NWD1: variants seen among roughly 807,000 people sequenced by gnomAD.
NWD1 encodes the protein NACHT and WD repeat domain containing 1.
Under a neutral mutation model 135.1 loss-of-function variants are expected in NWD1, and 129 were observed. The ratio of observed to expected loss-of-function variants is 0.96; its 90% CI spans 0.83 to 1.11. NWD1 has a LOEUF of 1.11. Among genes scored for constraint, NWD1 ranks in the 50% least tolerant of loss-of-function variants. The pLI, the probability that NWD1 is intolerant of heterozygous loss-of-function variation, is 0.00. For missense variants in NWD1, 1,740 were observed against 1,851.3 expected (o/e 0.94, Z 1.10); for synonymous variants, 773 against 786.0 (o/e 0.98, Z 0.28).
At chr19:16,756,738 C>G (rs190876916) in intron 6 of NWD1, among the ~76,000 whole-genome samples, 1 of 152,084 alleles carries the variant, frequency 6.6e-6, no homozygotes, top group Non-Finnish European at 1.5e-5. Flanking sequence ...GGTACTGCTC[C>G]GTGGCCTGTT....
chr19:16,748,015 G>A (rs143480800), intron 5 of NWD1, among the ~76,000 whole-genome samples: 118 of 152,162 alleles, frequency 7.8e-4, no homozygotes, highest in African/African-American at 2.8e-3. Flanking sequence ...ATGGAGTCTC[G>A]CTCTGTTGCA....
intron 4 of NWD1, among the ~76,000 whole-genome samples, chr19:16,737,278 TTTTTTGAGACAGA>T (rs1967861536): frequency 6.6e-6 from 1 of 152,128 alleles, no homozygotes; most frequent in African/African-American, 2.4e-5. Context: ...TTTCTTTTTC[TTTTTTGAGACAGA>T]GTCTCAAAAA....
chr19:16,731,067 G>A, intron 2 of NWD1, 125 bp from the exon 3 acceptor site: 1 of 572,836 alleles, frequency 1.7e-6, no homozygotes, highest in East Asian at 3.0e-5. Context: ...AACATAGCGA[G>A]ATCCCATTCT....
intron 10 of NWD1, among the ~76,000 whole-genome samples, chr19:16,771,121 G>A (rs1310750943): frequency 6.6e-6 from 1 of 152,092 alleles, no homozygotes; most frequent in African/African-American, 2.4e-5. Context: ...GCAACATAGC[G>A]AGACCCTATC....
chr19:16,771,293 T>C (rs1156390592), intron 10 of NWD1, among the ~76,000 whole-genome samples: 1 of 151,928 alleles, frequency 6.6e-6, no homozygotes, highest in Non-Finnish European at 1.5e-5. Context: ...CTACTAAAAA[T>C]ACAAAAATTA....
intron 11 of NWD1, among the ~76,000 whole-genome samples, chr19:16,773,940 A>G (rs1264090632): frequency 2.8e-5 from 1 of 35,814 alleles, no homozygotes; most frequent in Non-Finnish European, 4.7e-5. Context: ...CCATCCATCT[A>G]TCCATCCATC....
At chr19:16,799,146 TC>T (rs1043031632) in intron 16 of NWD1, among the ~76,000 whole-genome samples, 12 of 152,222 alleles carry the variant, frequency 7.9e-5, no homozygotes, top group African/African-American at 2.9e-4. Flanking sequence ...GCCTGAAAAT[TC>T]ACCTTAGGTT....
At chr19:16,731,991 C>A (rs1967588913) in intron 3 of NWD1, among the ~76,000 whole-genome samples, 1 of 151,720 alleles carries the variant, frequency 6.6e-6, no homozygotes, top group Admixed American at 6.6e-5. Flanking sequence ...CAAAGGCGGG[C>A]AGATCGCTTG....
chr19:16,756,551 C>G (rs113955334), intron 6 of NWD1, among the ~76,000 whole-genome samples: 42 of 152,158 alleles, frequency 2.8e-4, no homozygotes, highest in Non-Finnish European at 5.9e-4. Context: ...TTATGTTTAT[C>G]TATCTCTGTA....
intron 11 of NWD1, 127 bp downstream of exon 11, chr19:16,773,450 C>G: frequency 1.4e-6 from 1 of 712,026 alleles, no homozygotes; most frequent in South Asian, 1.8e-5. Flanking sequence ...AGCTTGCCAT[C>G]AGAGCCTGCC....
In NWD1 at chr19:16,746,835, A is replaced by G. The variant is rs181438461; in HGVS notation, c.496+2117A>G. On this transcript the variant is annotated intron_variant, in intron 5 of 18. Coordinates refer to ENST00000524140, the MANE Select transcript of NWD1 (RefSeq NM_001007525.5). ...AAAATATGTTTGCTGTTGATTAAAC[A>G]TAAGTGGATCATCAGTCACAAAGGT... Among the ~76,000 whole-genome samples, 7 of 152,246 alleles carry G rather than the reference A, an allele frequency of 4.6e-5. No homozygotes were observed. The East Asian group carries it at 1.3e-3, about 29-fold the overall frequency.
At position 16,791,308 on chromosome 19, in the gene NWD1, G is replaced by A. The variant is rs370344246; in HGVS notation, c.2941-42G>A. On this transcript the variant is annotated intron_variant, in intron 13 of 18. Coordinates refer to ENST00000524140, the MANE Select transcript of NWD1 (RefSeq NM_001007525.5). ...TGACTCCGGGAAACTTGTAGTCTAG[G>A]TCTCCTGCCAAGATGCTGCTTCCTC... 1.3e-4 allele frequency: 214 copies of A among 1,588,360 alleles called. No homozygotes were observed. The African/African-American group carries it at 2.7e-3, about 20-fold the overall frequency.
At chr19:16,723,675 T>G (rs1218260903) in intron 1 of NWD1, among the ~76,000 whole-genome samples, 1 of 139,820 alleles carries the variant, frequency 7.2e-6, no homozygotes, top group Non-Finnish European at 1.5e-5. Context: ...TACAGCTTTT[T>G]CTGTTTTGTT....
chr19:16,724,455 G>A lies in NWD1; in HGVS notation c.-15G>A, dbSNP rs903539123. On this transcript the variant is annotated 5_prime_UTR_variant, in exon 2 of 19. Transcript: ENST00000524140. ...AGCCGGCATTCCAACCAGGCTCACG[G>A]ATGCCAAGGTATACGCGTGTTCTCT... 1 of 152,176 alleles carries A rather than the reference G, an allele frequency of 6.6e-6. No individual in the cohort carries two copies. Among genetic ancestry groups the A allele is most frequent in the Non-Finnish European group, 1.5e-5 (1 of 68,046 alleles). 9.4% of individuals were successfully genotyped at this position (152,176 alleles called of 1,614,324 possible).
Position 16,779,445 on chromosome 19 carries a change from A to C in NWD1, c.2711A>C (p.His904Pro). 1 of 1,613,542 alleles carries C rather than the reference A, an allele frequency of 6.2e-7. No homozygotes were observed. Among genetic ancestry groups the C allele is most frequent in the Non-Finnish European group, 8.5e-7 (1 of 1,179,994 alleles). ...GACATGGAAGAGCAGCATGTGATCC[A>C]CATGCTAACTGGACACACAGGTGAG... Reference protein sequence around the residue: ...VWDMEEQHVIHMLTGHTGEVR... With the variant: ...VWDMEEQHVIPMLTGHTGEVR... The change falls in exon 12 of 19, where the codon CAC (histidine) becomes CCC (proline). Residue 904 changes from histidine to proline, a missense_variant. Coordinates refer to ENST00000524140, the MANE Select transcript of NWD1 (RefSeq NM_001007525.5).
At chr19:16,752,015 A>G (rs912645614) in intron 6 of NWD1, among the ~76,000 whole-genome samples, 1 of 152,086 alleles carries the variant, frequency 6.6e-6, no homozygotes, top group African/African-American at 2.4e-5. Context: ...GCAAAAGCAA[A>G]AATAACAAGC....
At chr19:16,813,162 G>A (rs1029294957) in intron 18 of NWD1, among the ~76,000 whole-genome samples, 2 of 152,114 alleles carry the variant, frequency 1.3e-5, no homozygotes, top group African/African-American at 4.8e-5. Context: ...CCATGGGGTG[G>A]TATGGATGGA....
In NWD1 at chr19:16,750,258, C is replaced by T. The variant is rs373274342; in HGVS notation, c.1616C>T (p.Ala539Val). 35 of 1,613,600 alleles carry T rather than the reference C, an allele frequency of 2.2e-5. No homozygotes were observed. The Middle Eastern group carries it at 9.9e-4, about 46-fold the overall frequency. The change falls in exon 6 of 19, where the codon GCG (alanine) becomes GTG (valine). Residue 539 changes from alanine (A) to valine (V), a missense_variant. Coordinates refer to ENST00000524140, the MANE Select transcript of NWD1 (RefSeq NM_001007525.5). ...GGGAACCCAGGGCGGCTGAGGCTGGCGTTTGAGGAAGCCCGGAAATGGGCC... is the reference window on the plus strand; with the variant it reads ...GGGAACCCAGGGCGGCTGAGGCTGGTGTTTGAGGAAGCCCGGAAATGGGCC... The part of the protein sequence containing the change: ...ECGNPGRLRL[A>V]FEEARKWASF...
chr19:16,796,183 G>A (rs1233209344), intron 15 of NWD1, among the ~76,000 whole-genome samples: 1 of 152,036 alleles, frequency 6.6e-6, no homozygotes, highest in Non-Finnish European at 1.5e-5. Flanking sequence ...AGTGGCTCAC[G>A]CCTGTAATTC....
Sources: gnomAD v4.1 joint callset for allele counts (sites outside exome capture counted in the v4.1 genomes callset) on GRCh38, gnomAD v4.1.1 for gene constraint, MANE v1.5 for transcripts, NCBI Gene and HGNC (gene_info 2026-07-23, HGNC 2026-07-21) for gene names.